The following SLC25A40 variants were observed in gnomAD, a reference collection of about 807,000 sequenced individuals.
SLC25A40 encodes the protein solute carrier family 25 member 40.
A neutral mutation model predicts 46.5 loss-of-function variants in SLC25A40; 41 were observed. The observed-to-expected ratio is 0.88, with a 90% CI of 0.69 to 1.14. SLC25A40 has a LOEUF of 1.14. SLC25A40 is among the 50% of genes most tolerant of loss of function. SLC25A40 has a pLI of 0.00. For synonymous variants in SLC25A40, 126 were observed against 127.5 expected (o/e 0.99, Z 0.08); for missense variants, 386 against 393.6 (o/e 0.98, Z 0.16).
intron 3 of SLC25A40, among the ~76,000 whole-genome samples, chr7:87,857,821 G>C (rs1288867014): frequency 4.6e-5 from 7 of 152,194 alleles, no homozygotes; most frequent in Admixed American, 6.5e-5. Flanking sequence ...GGGAACAAGG[G>C]AAGACAACCA....
intron 1 of SLC25A40, among the ~76,000 whole-genome samples, chr7:87,875,460 A>T (rs553083939): frequency 6.6e-6 from 1 of 152,350 alleles, no homozygotes; most frequent in East Asian, 1.9e-4. Context: ...CAGGTAAAAA[A>T]ATCAACCACT....
chr7:87,850,052 C>A, intron 5 of SLC25A40, 104 bp from the exon 6 acceptor site: 1 of 724,834 alleles, frequency 1.4e-6, no homozygotes, highest in Non-Finnish European at 2.2e-6. Flanking sequence ...GTATTTATAT[C>A]TAAAAAAATA....
chr7:87,867,992 GGCA>G (rs772101634), intron 1 of SLC25A40, among the ~76,000 whole-genome samples: 24 of 152,276 alleles, frequency 1.6e-4, no homozygotes, highest in Admixed American at 5.2e-4. Context: ...ACTATGATTT[GGCA>G]TCTCCTTTGG....
chr7:87,852,720 C>T (rs748902865), intron 5 of SLC25A40, among the ~76,000 whole-genome samples: 31 of 152,036 alleles, frequency 2.0e-4, no homozygotes, highest in Non-Finnish European at 4.3e-4. Flanking sequence ...AATAGACAGA[C>T]CCAATATGCC....
chr7:87,852,612 T>C (rs1838534308), intron 5 of SLC25A40, among the ~76,000 whole-genome samples: 1 of 152,066 alleles, frequency 6.6e-6, no homozygotes, highest in Non-Finnish European at 1.5e-5. Context: ...GAGGAATCAG[T>C]GTACCTAATT....
At position 87,858,632 on chromosome 7, in the gene SLC25A40, T is replaced by G; in HGVS notation, c.96A>C (p.Ile32=). ...SCTGAILTSV[I]VTPLDVVKIR... ...TCTACATCAGTAACATAATTTTACC[T>G]ATTACTGATGTCAGTATAGCTCCAG... The change falls in exon 3 of 12, where the codon ATA becomes ATC. Residue 32 remains isoleucine, a splice_region_variant and synonymous_variant. Transcript: ENST00000341119. 1 of 1,536,866 alleles carries G rather than the reference T, an allele frequency of 6.5e-7. No individual in the cohort carries two copies. Among genetic ancestry groups the G allele is most frequent in the Non-Finnish European group, 9.0e-7 (1 of 1,109,768 alleles).
intron 3 of SLC25A40, 116 bp from the exon 4 acceptor site, chr7:87,856,467 A>G (rs778776547): frequency 4.2e-5 from 36 of 865,534 alleles, no homozygotes; most frequent in Non-Finnish European, 7.1e-5. Flanking sequence ...TATAATTGGT[A>G]AGCTTATTTA....
Position 87,847,961 on chromosome 7 carries a change from C to T in SLC25A40, c.349G>A (p.Ala117Thr), listed in dbSNP as rs375899864. The stretch of plus-strand genomic sequence containing the variant: ...TAGCAGGTAAAATAAATAACTGTGG[C>T]AGGAACTGCCATCACTCTGTTAGAT... ...LPPTLVMAVP[A>T]TVIYFTCYDQ... The change falls in exon 7 of 12, where the codon GCC (alanine) becomes ACC (threonine). Residue 117 changes from alanine to threonine, a missense_variant. Transcript: ENST00000341119. 6.2e-7 allele frequency: 1 copy of T among 1,606,034 alleles called. No homozygotes were observed. Among genetic ancestry groups the T allele is most frequent in the Non-Finnish European group, 8.5e-7 (1 of 1,177,452 alleles).
At chr7:87,852,897 T>C (rs1023389735) in intron 5 of SLC25A40, among the ~76,000 whole-genome samples, 2 of 152,174 alleles carry the variant, frequency 1.3e-5, no homozygotes, top group African/African-American at 4.8e-5. Context: ...TTAAATAAAA[T>C]TTTTATGAAA....
chr7:87,860,724 T>G (rs774317519), intron 1 of SLC25A40, 84 bp from the exon 2 acceptor site: 1 of 152,172 alleles, frequency 6.6e-6, no homozygotes, highest in Non-Finnish European at 1.5e-5. Context: ...ACATAAAAAC[T>G]TTAATACAAA....
intron 1 of SLC25A40, among the ~76,000 whole-genome samples, chr7:87,875,368 T>C (rs1428911049): frequency 6.6e-6 from 1 of 152,192 alleles, no homozygotes; most frequent in Non-Finnish European, 1.5e-5. Flanking sequence ...CCAGCTAATC[T>C]TGTCACAACC....
chr7:87,853,573 C>T (rs1201149451), intron 5 of SLC25A40, among the ~76,000 whole-genome samples: 1 of 152,100 alleles, frequency 6.6e-6, no homozygotes, highest in East Asian at 1.9e-4. Context: ...TATATCTACA[C>T]CATGAAATAA....
intron 1 of SLC25A40, among the ~76,000 whole-genome samples, chr7:87,872,252 T>C (rs1838906852): frequency 6.6e-6 from 1 of 152,228 alleles, no homozygotes; most frequent in Non-Finnish European, 1.5e-5. Context: ...AGTTTTGAGA[T>C]GCAGCTAAAG....
rs1200248121 is a variant in SLC25A40 at position 87,841,061 on chromosome 7, T to A, written c.823+572A>T. ...GAGTATACGTTTGTTCTAGAAGAAA[T>A]TACAGGTTATGAAGAAATAAAAATA... On this transcript the variant is annotated intron_variant, in intron 10 of 11. Coordinates refer to ENST00000341119, the MANE Select transcript of SLC25A40 (RefSeq NM_018843.4). Among the ~76,000 whole-genome samples, 3 of 149,792 alleles carry A rather than the reference T, an allele frequency of 2.0e-5. No individual in the cohort carries two copies. The Admixed American group carries it at 2.0e-4, about 10-fold the overall frequency.
At chr7:87,852,228 A>C (rs1017656997) in intron 5 of SLC25A40, among the ~76,000 whole-genome samples, 2 of 152,208 alleles carry the variant, frequency 1.3e-5, no homozygotes, top group African/African-American at 2.4e-5. Flanking sequence ...GATTATGCTA[A>C]GATTTATGTG....
At chr7:87,854,809 C>CAA (rs1193322764) in intron 4 of SLC25A40, among the ~76,000 whole-genome samples, 57 of 53,328 alleles carry the variant, frequency 1.1e-3, no homozygotes, top group South Asian at 2.5e-3. Context: ...AAGACTGTCT[C>CAA]AAAAAAAAAA....
In SLC25A40 at chr7:87,839,425, TG is replaced by T. The variant is rs1411917251; in HGVS notation, c.823+2207del. ...TAAAAATTAAATATTGCTTGAGTAG[TG>T]TTTTTTTTTTTCTATAGTTCAATTG... On this transcript the variant is annotated intron_variant, in intron 10 of 11. Transcript: ENST00000341119. Among the ~76,000 whole-genome samples the T allele has an allele frequency of 9.0e-5, 13 of 144,356 alleles. 1 individual carries two copies. Among genetic ancestry groups the T allele is most frequent in the African/African-American group, 3.3e-4 (12 of 36,214 alleles). 94.7% of individuals were successfully genotyped at this position (144,356 alleles called of 152,430 possible).
At chr7:87,848,807 G>A (rs973306262) in intron 6 of SLC25A40, among the ~76,000 whole-genome samples, 3 of 152,186 alleles carry the variant, frequency 2.0e-5, no homozygotes, top group Admixed American at 2.0e-4. Flanking sequence ...GACATTCACA[G>A]ACTATAAATT....
chr7:87,858,381 T>G (rs1584332934), intron 3 of SLC25A40, among the ~76,000 whole-genome samples: 1 of 152,078 alleles, frequency 6.6e-6, no homozygotes, highest in Non-Finnish European at 1.5e-5. Flanking sequence ...TTACACCCCC[T>G]CCCCTTTTGA....
Sources: gnomAD v4.1 joint callset for allele counts (sites outside exome capture counted in the v4.1 genomes callset) on GRCh38, gnomAD v4.1.1 for gene constraint, MANE v1.5 for transcripts, NCBI Gene and HGNC (gene_info 2026-07-23, HGNC 2026-07-21) for gene names.